The following TREML4 variants were observed in gnomAD, a reference collection of about 807,000 sequenced individuals.
TREML4 encodes the protein triggering receptor expressed on myeloid cells like 4.
Under a neutral mutation model 25.4 loss-of-function variants are expected in TREML4, and 25 were observed. The observed-to-expected ratio is 0.98, with a 90% CI of 0.72 to 1.37. The LOEUF (loss-of-function observed/expected upper bound fraction) is 1.37, where lower values mean the gene tolerates loss of function less well. TREML4 is among the 40% of genes most tolerant of loss of function. TREML4 has a pLI of 0.00. For missense variants in TREML4, 268 were observed against 236.5 expected (o/e 1.13, Z -0.87); for synonymous variants, 92 against 87.9 (o/e 1.05, Z -0.26).
chr6:41,236,644 G>C, intron 5 of TREML4, 27 bp downstream of exon 5: 1 of 1,348,192 alleles, frequency 7.4e-7, no homozygotes, highest in South Asian at 1.2e-5. Flanking sequence ...TTCACCTGGG[G>C]GCAATGGAGC....
chr6:41,228,811 G>A lies in TREML4; in HGVS notation c.161G>A (p.Trp54Ter). Reference sequence around the variant, plus strand: ...AGAGGGCCCTATCAGCCCAAATCCTGGTGTCAGCAGACATCTCCAAGTCGG... The same window carrying A: ...AGAGGGCCCTATCAGCCCAAATCCTAGTGTCAGCAGACATCTCCAAGTCGG... ...PKRGPYQPKSWCQQTSPSRCT... is the reference protein window; with the variant it reads ...PKRGPYQPKS Residue 54 changes from tryptophan to a stop codon, truncating the protein, a stop_gained, in exon 2 of 6, where the codon TGG (tryptophan) becomes TAG (stop). Coordinates refer to ENST00000341495, the MANE Select transcript of TREML4 (RefSeq NM_198153.3). LOFTEE classifies it high-confidence loss of function. 6.2e-7 allele frequency: 1 copy of A among 1,614,070 alleles called. No individual in the cohort carries two copies. Among genetic ancestry groups the A allele is most frequent in the Non-Finnish European group, 8.5e-7 (1 of 1,179,996 alleles).
At chr6:41,233,366 A>G (rs1262975563) in intron 4 of TREML4, among the ~76,000 whole-genome samples, 1 of 152,150 alleles carries the variant, frequency 6.6e-6, no homozygotes, top group Non-Finnish European at 1.5e-5. Context: ...TAAACATACA[A>G]AAGATTTTAA....
intron 4 of TREML4, chr6:41,231,235 C>T (rs1054187462): frequency 4.1e-5 from 8 of 196,230 alleles, no homozygotes; most frequent in East Asian, 1.4e-4. Context: ...AAACCATCCC[C>T]GACTCTCAGG....
At chr6:41,229,123 C>A (rs1766737517) in intron 2 of TREML4, 79 bp downstream of exon 2, 4 of 1,255,494 alleles carry the variant, frequency 3.2e-6, no homozygotes, top group African/African-American at 1.5e-5. Flanking sequence ...CCCTCCCATG[C>A]CTCTATCATC....
At position 41,236,540 on chromosome 6, in the gene TREML4, G is replaced by T; in HGVS notation, c.561G>T (p.Leu187Phe). 6.2e-7 allele frequency: 1 copy of T among 1,614,126 alleles called. No homozygotes were observed. Among genetic ancestry groups the T allele is most frequent in the Admixed American group, 1.7e-5 (1 of 60,020 alleles). ...CAGGTGGCCCCAGATTCCTGGTCTTGGTGCTATGTGGACTCCTCCTGGCCA... is the reference window on the plus strand; with the variant it reads ...CAGGTGGCCCCAGATTCCTGGTCTTTGTGCTATGTGGACTCCTCCTGGCCA... ...LGSGGPRFLV[L>F]VLCGLLLAKG... Residue 187 changes from leucine to phenylalanine, a missense_variant, in exon 5 of 6, where the codon TTG (leucine) becomes TTT (phenylalanine). By Grantham distance (22) the Leu-to-Phe change is conservative. Coordinates refer to ENST00000341495, the MANE Select transcript of TREML4 (RefSeq NM_198153.3).
rs1479911964 is a variant in TREML4, at chr6:41,237,183, A to C, written c.*164A>C. 1.3e-5 allele frequency: 2 copies of C among 153,690 alleles called. No homozygotes were observed. The highest frequency in any genetic ancestry group is 2.9e-5 in the Non-Finnish European group (2 of 68,780). 9.5% of individuals were successfully genotyped at this position (153,690 alleles called of 1,614,324 possible). ...CTGCCCAGCTATTGGGAGCTGGCCTAAGTATTGCTCCCCACCTCCTTGTGA... is the reference window on the plus strand; with the variant it reads ...CTGCCCAGCTATTGGGAGCTGGCCTCAGTATTGCTCCCCACCTCCTTGTGA... On this transcript the variant is annotated 3_prime_UTR_variant, in exon 6 of 6. Transcript: ENST00000341495.
chr6:41,236,363 C>T (rs980967371), intron 4 of TREML4, 123 bp from the exon 5 acceptor site: 119 of 722,730 alleles, frequency 1.6e-4, no homozygotes, highest in African/African-American at 8.8e-5. Flanking sequence ...CCTCTGTCAT[C>T]GTTCAGGGTG....
chr6:41,228,598 T>A (rs1043920809), intron 1 of TREML4, 108 bp downstream of exon 1: 2 of 1,474,550 alleles, frequency 1.4e-6, no homozygotes, highest in African/African-American at 2.8e-5. Context: ...AGGGGCCCTC[T>A]TCCATGTGTG....
intron 4 of TREML4, among the ~76,000 whole-genome samples, chr6:41,236,240 C>T (rs1766896419): frequency 6.6e-6 from 1 of 152,172 alleles, no homozygotes; most frequent in African/African-American, 2.4e-5. Flanking sequence ...TCCCTGAACT[C>T]CAATCCCTTG....
chr6:41,235,564 A>G (rs1316195318), intron 4 of TREML4, among the ~76,000 whole-genome samples: 1 of 152,266 alleles, frequency 6.6e-6, no homozygotes, highest in African/African-American at 2.4e-5. Context: ...CGTTTTCATT[A>G]CAGTCACAAA....
intron 4 of TREML4, among the ~76,000 whole-genome samples, chr6:41,233,447 G>A (rs1174941900): frequency 1.3e-5 from 2 of 151,962 alleles, no homozygotes; most frequent in African/African-American, 4.8e-5. Context: ...CTCTTAATAT[G>A]GAACAAAATA....
intron 4 of TREML4, among the ~76,000 whole-genome samples, chr6:41,235,406 T>C (rs1457942193): frequency 6.6e-6 from 1 of 152,170 alleles, no homozygotes; most frequent in Non-Finnish European, 1.5e-5. Context: ...GACTTGCAAT[T>C]GATGGGATCA....
At chr6:41,234,162 T>C (rs1456759700) in intron 4 of TREML4, among the ~76,000 whole-genome samples, 1 of 151,960 alleles carries the variant, frequency 6.6e-6, no homozygotes, top group Non-Finnish European at 1.5e-5. Flanking sequence ...CCTAACGCAA[T>C]GACATTAGGA....
intron 2 of TREML4, among the ~76,000 whole-genome samples, 168 bp downstream of exon 2, chr6:41,229,212 C>T (rs2009925): frequency 6.6e-6 from 1 of 152,088 alleles, no homozygotes; most frequent in Non-Finnish European, 1.5e-5. Flanking sequence ...CACCTCTCCT[C>T]CACCCGGTAC....
intron 4 of TREML4, among the ~76,000 whole-genome samples, chr6:41,230,742 A>G (rs1408597751): frequency 6.6e-6 from 1 of 152,198 alleles, no homozygotes; most frequent in Non-Finnish European, 1.5e-5. Context: ...TCTCTCAGGG[A>G]GTTTGAAGGT....
At chr6:41,230,402 A>C (rs745681435) in intron 4 of TREML4, among the ~76,000 whole-genome samples, 1 of 152,192 alleles carries the variant, frequency 6.6e-6, no homozygotes, top group Non-Finnish European at 1.5e-5. Flanking sequence ...TGGAAATTGG[A>C]GGCCGTGTTG....
Position 41,228,351 on chromosome 6 carries a change from A to G in TREML4, c.-77A>G. On this transcript the variant is annotated 5_prime_UTR_variant, in exon 1 of 6. Transcript: ENST00000341495. ...CACTGGGAACCTGGGGCAGAATCAG[A>G]CCCAGCGTCTGACTCCTCCTGAGAG... is the stretch of plus-strand genomic sequence containing the variant. The G allele has an allele frequency of 1.1e-6, 1 of 931,346 alleles. No individual in the cohort carries two copies. The highest frequency in any genetic ancestry group is 2.9e-5 in the East Asian group (1 of 34,228). 57.7% of individuals were successfully genotyped at this position (931,346 alleles called of 1,614,324 possible).
In TREML4 at chr6:41,228,704, CT is replaced by C; in HGVS notation, c.64-9del. The C allele has an allele frequency of 6.2e-7, 1 of 1,606,616 alleles. No individual in the cohort carries two copies. Among genetic ancestry groups the C allele is most frequent in the Non-Finnish European group, 8.5e-7 (1 of 1,175,464 alleles). On this transcript the variant is annotated splice_polypyrimidine_tract_variant and intron_variant, in intron 1 of 5. Transcript: ENST00000341495. ...GACCTGGGTTTCTTTCTGCCGGTTC[CT>C]GGGTAAAGGGTGCTGTGCCTGAAGA...
At chr6:41,229,383 A>G (rs968189845) in intron 2 of TREML4, 138 bp from the exon 3 acceptor site, 11 of 889,516 alleles carry the variant, frequency 1.2e-5, no homozygotes, top group Non-Finnish European at 2.1e-5. Flanking sequence ...TGTCATGCAG[A>G]TCTTAGGCAC....
Sources: gnomAD v4.1 joint callset for allele counts (sites outside exome capture counted in the v4.1 genomes callset) on GRCh38, gnomAD v4.1.1 for gene constraint, MANE v1.5 for transcripts, NCBI Gene and HGNC (gene_info 2026-07-23, HGNC 2026-07-21) for gene names.